The following CLYBL variants were observed in gnomAD, a reference collection of about 807,000 sequenced individuals.
CLYBL encodes the protein citramalyl-CoA lyase, mitochondrial.
A neutral mutation model predicts 38.9 loss-of-function variants in CLYBL; 31 were observed. That is an observed-to-expected ratio of 0.80 (90% confidence interval 0.60 to 1.08). The LOEUF (loss-of-function observed/expected upper bound fraction) is 1.08. CLYBL is among the 50% of genes least tolerant of loss of function. The pLI, the probability that CLYBL is intolerant of heterozygous loss-of-function variation, is 0.00. For missense variants in CLYBL, 434 were observed against 411.6 expected, an observed-to-expected ratio of 1.05 and a Z score of -0.47; for synonymous variants, 171 against 158.6, an observed-to-expected ratio of 1.08 and a Z score of -0.59.
chr13:99,883,094 G>A (rs1437445365), intron 7 of CLYBL, among the ~76,000 whole-genome samples: 3 of 152,150 alleles, frequency 2.0e-5, no homozygotes, highest in African/African-American at 7.2e-5. Context: ...TCTGCTTAGG[G>A]TCCAGGAAGG....
intron 1 of CLYBL, among the ~76,000 whole-genome samples, chr13:99,761,847 T>C (rs377152064): frequency 2.0e-5 from 3 of 152,236 alleles, no homozygotes; most frequent in Admixed American, 6.5e-5. Flanking sequence ...GACCATCTTT[T>C]GGATCAAAGC....
chr13:99,687,071 G>A (rs2047828583), intron 1 of CLYBL, among the ~76,000 whole-genome samples: 2 of 152,190 alleles, frequency 1.3e-5, no homozygotes, highest in South Asian at 4.1e-4. Flanking sequence ...ATTAGGGCCC[G>A]CTGCAGCTGT....
intron 1 of CLYBL, among the ~76,000 whole-genome samples, chr13:99,767,686 C>G (rs2049295225): frequency 6.6e-6 from 1 of 152,208 alleles, no homozygotes; most frequent in African/African-American, 2.4e-5. Context: ...CCATTGTCCT[C>G]TCTTCAAGTT....
At chr13:99,745,137 A>C (rs2048826651) in intron 1 of CLYBL, among the ~76,000 whole-genome samples, 1 of 152,232 alleles carries the variant, frequency 6.6e-6, no homozygotes, top group Admixed American at 6.5e-5. Flanking sequence ...CCAAATTCAA[A>C]AGACAAGCAC....
intron 2 of CLYBL, among the ~76,000 whole-genome samples, chr13:99,850,587 T>A (rs553699738): frequency 6.6e-6 from 1 of 152,298 alleles, no homozygotes; most frequent in African/African-American, 2.4e-5. Flanking sequence ...GAAGGCAAAA[T>A]GGTACAGCCG....
intron 1 of CLYBL, among the ~76,000 whole-genome samples, chr13:99,709,736 C>T (rs2048198580): frequency 6.6e-6 from 1 of 152,016 alleles, no homozygotes; most frequent in African/African-American, 2.4e-5. Flanking sequence ...GCTCACCTCC[C>T]TCCCAAACTT....
At chr13:99,874,963 C>T (rs914430161) in intron 7 of CLYBL, among the ~76,000 whole-genome samples, 1 of 152,206 alleles carries the variant, frequency 6.6e-6, no homozygotes, top group African/African-American at 2.4e-5. Flanking sequence ...TCATATTTTG[C>T]AGTATCTGGC....
chr13:99,743,091 A>G (rs2048785736), intron 1 of CLYBL, among the ~76,000 whole-genome samples: 1 of 147,132 alleles, frequency 6.8e-6, no homozygotes, highest in African/African-American at 2.5e-5. Context: ...TTCCACAGAG[A>G]GATTGCTGCT....
At chr13:99,862,909 A>G in intron 3 of CLYBL, 82 bp from the exon 4 acceptor site, 2 of 713,786 alleles carry the variant, frequency 2.8e-6, no homozygotes, top group East Asian at 5.6e-5. Flanking sequence ...CAGGTCAAAG[A>G]CTTAAATACT....
chr13:99,623,556 T>A (rs1775644192), intron 1 of CLYBL, among the ~76,000 whole-genome samples: 1 of 152,140 alleles, frequency 6.6e-6, no homozygotes, highest in Admixed American at 6.5e-5. Context: ...CAAACACCCA[T>A]GGGCTTTTAT....
chr13:99,871,274 T>TC (rs1288391676), intron 7 of CLYBL, among the ~76,000 whole-genome samples: 1 of 152,172 alleles, frequency 6.6e-6, no homozygotes, highest in African/African-American at 2.4e-5. Flanking sequence ...GGCTCTCAAG[T>TC]CCCTCATTTT....
At chr13:99,673,694 G>A (rs777061007) in intron 1 of CLYBL, among the ~76,000 whole-genome samples, 4 of 152,184 alleles carry the variant, frequency 2.6e-5, no homozygotes, top group Non-Finnish European at 5.9e-5. Context: ...AGGCCAGATC[G>A]CTGGAAGGAT....
intron 1 of CLYBL, among the ~76,000 whole-genome samples, chr13:99,762,174 T>C (rs1369750875): frequency 6.6e-6 from 1 of 152,194 alleles, no homozygotes; most frequent in Non-Finnish European, 1.5e-5. Flanking sequence ...TAGCTTGATG[T>C]AATCCCATTT....
At position 99,607,975 on chromosome 13, in the gene CLYBL, C is replaced by T. The variant is rs186042347; in HGVS notation, c.62+1218C>T. Among the ~76,000 whole-genome samples the T allele has an allele frequency of 1.1e-4, 16 of 151,970 alleles. No individual in the cohort carries two copies. The East Asian group carries it at 2.7e-3, about 26-fold the overall frequency. Reference sequence around the variant, plus strand: ...GCCAGGCTGTTCTCGAACTCCTGACCTCAAGGGGGTCCACCCGGATCAGCC... The same window carrying T: ...GCCAGGCTGTTCTCGAACTCCTGACTTCAAGGGGGTCCACCCGGATCAGCC... On this transcript the variant is annotated intron_variant, in intron 1 of 8. Transcript: ENST00000339105.
At chr13:99,862,795 A>C (rs2051639106) in intron 3 of CLYBL, among the ~76,000 whole-genome samples, 196 bp from the exon 4 acceptor site, 1 of 152,160 alleles carries the variant, frequency 6.6e-6, no homozygotes, top group Admixed American at 6.5e-5. Flanking sequence ...GGATTTTACT[A>C]TTTAGTTTGG....
At chr13:99,749,319 C>T (rs892740231) in intron 1 of CLYBL, among the ~76,000 whole-genome samples, 8 of 152,210 alleles carry the variant, frequency 5.3e-5, no homozygotes, top group Admixed American at 1.3e-4. Context: ...TTTACTAAAC[C>T]GGACAAGAAT....
At chr13:99,887,974 A>G (rs969543628) in intron 7 of CLYBL, among the ~76,000 whole-genome samples, 8 of 151,698 alleles carry the variant, frequency 5.3e-5, no homozygotes, top group African/African-American at 1.2e-4. Flanking sequence ...TCGTGCCTCA[A>G]CCTCCCGTGT....
At chr13:99,635,635 C>G (rs1293063822) in intron 1 of CLYBL, among the ~76,000 whole-genome samples, 1 of 152,210 alleles carries the variant, frequency 6.6e-6, no homozygotes, top group Non-Finnish European at 1.5e-5. Flanking sequence ...GCATGCTGAA[C>G]TGAGTGGTCC....
At position 99,628,711 on chromosome 13, in the gene CLYBL, G is replaced by A. The variant is rs188385096; in HGVS notation, c.62+21954G>A. Among the ~76,000 whole-genome samples, 51 of 152,356 alleles carry A rather than the reference G, an allele frequency of 3.3e-4. No individual in the cohort carries two copies. The East Asian group carries it at 9.4e-3, about 28-fold the overall frequency. On this transcript the variant is annotated intron_variant, in intron 1 of 8. Transcript: ENST00000339105. Reference sequence around the variant, plus strand: ...TGAGGCTCTGGGCAGCAATCAGTGTGTAATAGAGTTTAAAGTCTTAGGTTA... The same window carrying A: ...TGAGGCTCTGGGCAGCAATCAGTGTATAATAGAGTTTAAAGTCTTAGGTTA...
Sources: gnomAD v4.1 joint callset for allele counts (sites outside exome capture counted in the v4.1 genomes callset) on GRCh38, gnomAD v4.1.1 for gene constraint, MANE v1.5 for transcripts, NCBI Gene and HGNC (gene_info 2026-07-23, HGNC 2026-07-21) for gene names.